The following TESK2 variants were observed in gnomAD, a reference collection of about 807,000 sequenced individuals.
TESK2 encodes testis associated actin remodelling kinase 2, also known as dual specificity testis-specific protein kinase 2.
In TESK2, 39 loss-of-function variants were observed where a neutral mutation model predicts 57.1. The ratio of observed to expected loss-of-function variants is 0.68; its 90% CI spans 0.53 to 0.89. The LOEUF is 0.89. Ranked by LOEUF, TESK2 falls within the 40% of genes least tolerant of loss-of-function variation. The pLI is 0.00. For missense variants in TESK2, 646 were observed against 732.1 expected, an observed-to-expected ratio of 0.88 and a Z score of 1.36; for synonymous variants, 249 against 267.9, an observed-to-expected ratio of 0.93 and a Z score of 0.69.
intron 2 of TESK2, among the ~76,000 whole-genome samples, chr1:45,453,022 G>T (rs1651930568): frequency 6.6e-6 from 1 of 151,638 alleles, no homozygotes; most frequent in South Asian, 2.1e-4. Context: ...CTGCCGCCTG[G>T]ATGACAAAGT....
chr1:45,416,277 G>GGTTTTCTCTACAAAAACCAT (rs1335629978), intron 3 of TESK2, among the ~76,000 whole-genome samples: 1 of 149,924 alleles, frequency 6.7e-6, no homozygotes, highest in South Asian at 2.1e-4. Flanking sequence ...GAGAAAACAA[G>GGTTTTCTCTACAAAAACCAT]GTTTTCTCTA....
chr1:45,398,997 A>AAC (rs1553149528), intron 3 of TESK2: 18 of 434,228 alleles, frequency 4.1e-5, no homozygotes, highest in African/African-American at 3.5e-4. Context: ...AAAAAAAAAA[A>AAC]AAAAAAAAAA....
At chr1:45,469,349 A>G (rs940633023) in intron 1 of TESK2, among the ~76,000 whole-genome samples, 1 of 152,220 alleles carries the variant, frequency 6.6e-6, no homozygotes, top group Non-Finnish European at 1.5e-5. Flanking sequence ...TTTACTACAG[A>G]CCACGCATTC....
intron 4 of TESK2, among the ~76,000 whole-genome samples, chr1:45,377,308 A>G (rs1422494990): frequency 2.0e-5 from 3 of 152,304 alleles, no homozygotes; most frequent in Non-Finnish European, 4.4e-5. Context: ...AATAATCAGA[A>G]AGATATCACA....
At chr1:45,377,420 A>ATTTTT (rs752265198) in intron 4 of TESK2, among the ~76,000 whole-genome samples, 1 of 134,710 alleles carries the variant, frequency 7.4e-6, no homozygotes, top group Non-Finnish European at 1.6e-5. Flanking sequence ...GAGAACAAGG[A>ATTTTT]TTTTTTTTTT....
chr1:45,367,888 A>C (rs1174282939), intron 4 of TESK2, among the ~76,000 whole-genome samples: 3 of 149,844 alleles, frequency 2.0e-5, no homozygotes, highest in Non-Finnish European at 4.4e-5. Context: ...CGAACTCCTG[A>C]CCTCAGGTGA....
chr1:45,345,603 A>AT (rs1647130125), intron 10 of TESK2, 45 bp from the exon 11 acceptor site: 1 of 1,515,002 alleles, frequency 6.6e-7, no homozygotes, highest in Non-Finnish European at 9.0e-7. Flanking sequence ...GTCATAACAA[A>AT]TACAAGCAGC....
chr1:45,464,161 T>A (rs556117869), intron 1 of TESK2, among the ~76,000 whole-genome samples: 1 of 152,340 alleles, frequency 6.6e-6, no homozygotes. Flanking sequence ...TTTCAATTCA[T>A]GAACATTAAA....
intron 2 of TESK2, among the ~76,000 whole-genome samples, chr1:45,444,662 A>C (rs914821658): frequency 6.6e-6 from 1 of 152,206 alleles, no homozygotes; most frequent in African/African-American, 2.4e-5. Context: ...CATATCCACA[A>C]CCTAGAATAA....
intron 3 of TESK2, among the ~76,000 whole-genome samples, chr1:45,417,999 C>T (rs1253597295): frequency 2.0e-5 from 3 of 152,094 alleles, no homozygotes; most frequent in Non-Finnish European, 2.9e-5. Context: ...TATTTAAAGT[C>T]AACTTTCCAT....
intron 2 of TESK2, among the ~76,000 whole-genome samples, chr1:45,451,152 T>C (rs1366115548): frequency 6.6e-6 from 1 of 152,096 alleles, no homozygotes; most frequent in Non-Finnish European, 1.5e-5. Context: ...TGGACTTTAG[T>C]GTTGGGAGCT....
chr1:45,345,067 G>A lies in TESK2; in HGVS notation c.1489C>T (p.Pro497Ser), dbSNP rs748662733. 5 of 1,614,092 alleles carry A rather than the reference G, an allele frequency of 3.1e-6. No homozygotes were observed. Among genetic ancestry groups the A allele is most frequent in the Non-Finnish European group, 4.2e-6 (5 of 1,180,050 alleles). The change falls in exon 11 of 11, where the codon CCA becomes TCA. Residue 497 changes from proline to serine, a missense_variant. Pro to Ser is a moderately conservative substitution (Grantham distance 74, BLOSUM62 -1). Transcript: ENST00000372086. ...GGTAGGGCAGATGCCCGGAATGGTG[G>A]GATCTCTTTAACTCTGTACTTGAGA... is the stretch of plus-strand genomic sequence containing the variant. ...SSLKYRVKEI[P>S]PFRASALPAA...
At chr1:45,457,282 AT>A (rs1398243574) in intron 2 of TESK2, among the ~76,000 whole-genome samples, 1 of 148,072 alleles carries the variant, frequency 6.8e-6, no homozygotes, top group Non-Finnish European at 1.5e-5. Context: ...TTACTGGAGA[AT>A]GTATGTGTGG....
chr1:45,373,814 C>A (rs745973379), intron 4 of TESK2, among the ~76,000 whole-genome samples: 1 of 152,094 alleles, frequency 6.6e-6, no homozygotes, highest in East Asian at 1.9e-4. Flanking sequence ...CAGAAATGCC[C>A]CTGAGTAGTA....
intron 5 of TESK2, among the ~76,000 whole-genome samples, chr1:45,351,579 C>G (rs1570637950): frequency 6.6e-6 from 1 of 152,160 alleles, no homozygotes; most frequent in Non-Finnish European, 1.5e-5. Flanking sequence ...CCTGGTTTAC[C>G]CACTTGGAAC....
At chr1:45,411,447 G>C (rs1385830728) in intron 3 of TESK2, among the ~76,000 whole-genome samples, 1 of 152,160 alleles carries the variant, frequency 6.6e-6, no homozygotes, top group Non-Finnish European at 1.5e-5. Context: ...GTTCACAACA[G>C]GGTTCACGCT....
chr1:45,484,728 G>C (rs568300770), intron 1 of TESK2, among the ~76,000 whole-genome samples: 135 of 121,682 alleles, frequency 1.1e-3, no homozygotes, highest in African/African-American at 4.1e-3. Flanking sequence ...TGAGACTCTT[G>C]TCTCAAAAAT....
intron 4 of TESK2, among the ~76,000 whole-genome samples, chr1:45,371,529 C>T (rs1025025455): frequency 2.0e-5 from 3 of 152,136 alleles, no homozygotes; most frequent in African/African-American, 7.2e-5. Flanking sequence ...CCATATGATT[C>T]CACTTATATG....
intron 3 of TESK2, among the ~76,000 whole-genome samples, chr1:45,410,440 C>T (rs7551168): frequency 0.05 from 7,530 of 151,700 alleles, 663 homozygotes; most frequent in African/African-American, 0.17. Flanking sequence ...CCTGTTTCTC[C>T]TAAAAATACA....
Sources: gnomAD v4.1 joint callset for allele counts (sites outside exome capture counted in the v4.1 genomes callset) on GRCh38, gnomAD v4.1.1 for gene constraint, MANE v1.5 for transcripts, NCBI Gene and HGNC (gene_info 2026-07-23, HGNC 2026-07-21) for gene names.